ZC3H14: variants seen among roughly 807,000 people sequenced by gnomAD.
The protein encoded by ZC3H14 is zinc finger CCCH domain-containing protein 14.
In ZC3H14, 31 loss-of-function variants were observed where a neutral mutation model predicts 92.4. That is an observed-to-expected ratio of 0.34 (90% CI 0.25 to 0.45). The LOEUF is 0.45. Ranked by LOEUF, ZC3H14 falls within the 20% of genes least tolerant of loss-of-function variation. The pLI is 1.00. For missense variants in ZC3H14, 781 were observed against 897.3 expected, an observed-to-expected ratio of 0.87 and a Z score of 1.66; for synonymous variants, 321 against 300.9, an observed-to-expected ratio of 1.07 and a Z score of -0.69.
rs756679861 is a variant in ZC3H14, at chr14:88,571,070, G to T, written c.195-14G>T. On this transcript the variant is annotated splice_polypyrimidine_tract_variant and intron_variant, in intron 3 of 16. Coordinates refer to ENST00000251038, the MANE Select transcript of ZC3H14 (RefSeq NM_024824.5). Reference sequence around the variant, plus strand: ...AACAGAAGGTTTATTTTTGTTTTTTGTTTTTTTCCTCAGGCTTCATGGTGT... The same window carrying T: ...AACAGAAGGTTTATTTTTGTTTTTTTTTTTTTTCCTCAGGCTTCATGGTGT... 2 of 1,528,048 alleles carry T rather than the reference G, an allele frequency of 1.3e-6. No individual in the cohort carries two copies. The highest frequency in any genetic ancestry group is 1.4e-5 in the South Asian group (1 of 71,768). 94.7% of individuals were successfully genotyped at this position (1,528,048 alleles called of 1,614,324 possible). A position where few individuals can be genotyped will look rare whatever the true frequency, so the allele number is the denominator to read the frequency against.
At chr14:88,584,934 C>T (rs2082300103) in intron 9 of ZC3H14, among the ~76,000 whole-genome samples, 1 of 151,224 alleles carries the variant, frequency 6.6e-6, no homozygotes, top group Admixed American at 6.6e-5. Context: ...ATGAATTTAA[C>T]ATAAGAACCA....
At position 88,612,374 on chromosome 14, in the gene ZC3H14, G is replaced by C. The variant is rs969818631; in HGVS notation, c.*623G>C. 1 of 154,560 alleles carries C rather than the reference G, an allele frequency of 6.5e-6. No individual in the cohort carries two copies. The highest frequency in any genetic ancestry group is 2.4e-5 in the African/African-American group (1 of 41,424). 9.6% of individuals were successfully genotyped at this position (154,560 alleles called of 1,614,324 possible). Reference sequence around the variant, plus strand: ...CCTTCTGTGACAGGATGAATGAGGTGGGTATGGACAGTGGAGGCAGCTGGA... The same window carrying C: ...CCTTCTGTGACAGGATGAATGAGGTCGGTATGGACAGTGGAGGCAGCTGGA... On this transcript the variant is annotated 3_prime_UTR_variant, in exon 17 of 17. Coordinates refer to ENST00000251038, the MANE Select transcript of ZC3H14 (RefSeq NM_024824.5).
intron 2 of ZC3H14, among the ~76,000 whole-genome samples, chr14:88,567,375 AAAGTG>A (rs1309858529): frequency 1.7e-4 from 26 of 150,268 alleles, no homozygotes; most frequent in Admixed American, 4.0e-4. Context: ...TTGGCCTCCC[AAAGTG>A]CTGGGATTAC....
rs746381394 is a variant in ZC3H14, at chr14:88,578,078, C to G, written c.1217C>G (p.Pro406Arg). The change falls in exon 9 of 17, where the codon CCC becomes CGC. Residue 406 changes from proline (P) to arginine (R), a missense_variant. Coordinates refer to ENST00000251038, the MANE Select transcript of ZC3H14 (RefSeq NM_024824.5). ...GTGGTCCAGGGACAAAGTAGGACCC[C>G]CAGAATAAGTCCCCCCATTAAAGAA... The part of the protein sequence containing the change: ...AEVVQGQSRT[P>R]RISPPIKEEE... The G allele has an allele frequency of 2.0e-5, 33 of 1,613,772 alleles. No individual in the cohort carries two copies.
chr14:88,619,296 CACA>C lies in ZC3H14; in HGVS notation c.*7546_*7548del, dbSNP rs2088392484. 1 of 152,626 alleles carries C rather than the reference CACA, an allele frequency of 6.6e-6. No individual in the cohort carries two copies. 9.5% of individuals were successfully genotyped at this position (152,626 alleles called of 1,614,324 possible). On this transcript the variant is annotated 3_prime_UTR_variant, in exon 17 of 17. Coordinates refer to ENST00000251038, the MANE Select transcript of ZC3H14 (RefSeq NM_024824.5). ...AGGAGAATCGCTTGAACCCAGGAGG[CACA>C]GGTTGTGGTGAGCTGAGATTGCACC...
chr14:88,591,054 T>C (rs2083062279), intron 9 of ZC3H14: 1 of 152,230 alleles, frequency 6.6e-6, no homozygotes, highest in Admixed American at 6.5e-5. Flanking sequence ...ACCTGAAAAT[T>C]TTTGTACAGT....
intron 9 of ZC3H14, among the ~76,000 whole-genome samples, chr14:88,580,879 T>C (rs535274313): frequency 1.6e-3 from 239 of 152,328 alleles, no homozygotes; most frequent in African/African-American, 5.7e-3. Flanking sequence ...TCATCAAACT[T>C]TTCAACAGCA....
chr14:88,574,053 C>A (rs1039599132), intron 6 of ZC3H14, among the ~76,000 whole-genome samples: 2 of 152,104 alleles, frequency 1.3e-5, no homozygotes, highest in Admixed American at 6.6e-5. Flanking sequence ...AGATATTAAT[C>A]TTAAATTAAT....
At position 88,615,379 on chromosome 14, in the gene ZC3H14, C is replaced by T. The variant is rs28434294; in HGVS notation, c.*3628C>T. On this transcript the variant is annotated 3_prime_UTR_variant, in exon 17 of 17. Coordinates refer to ENST00000251038, the MANE Select transcript of ZC3H14 (RefSeq NM_024824.5). ...GACTTTCCCTTTCCTTATGGAAATGCAAGAATAAAATATTTCATTAAACAA... is the reference window on the plus strand; with the variant it reads ...GACTTTCCCTTTCCTTATGGAAATGTAAGAATAAAATATTTCATTAAACAA... 2,209 of 153,844 alleles carry T rather than the reference C, an allele frequency of 0.014. 60 individuals carry two copies. The highest frequency in any genetic ancestry group is 0.051 in the African/African-American group (2,127 of 41,572). The allele number at this position is 153,844 out of a possible 1,614,324, so 9.5% of individuals were successfully genotyped here.
Position 88,616,114 on chromosome 14 carries a change from C to T in ZC3H14, c.*4363C>T. Reference sequence around the variant, plus strand: ...GTCTCTTAACTAGTAACATAGTCTGCTCTTCATGGGCTGAGAAAGTTACTA... The same window carrying T: ...GTCTCTTAACTAGTAACATAGTCTGTTCTTCATGGGCTGAGAAAGTTACTA... On this transcript the variant is annotated 3_prime_UTR_variant, in exon 17 of 17. Transcript: ENST00000251038. 2 of 1,607,288 alleles carry T rather than the reference C, an allele frequency of 1.2e-6. No individual in the cohort carries two copies. Among genetic ancestry groups the T allele is most frequent in the Non-Finnish European group, 1.7e-6 (2 of 1,173,918 alleles).
intron 9 of ZC3H14, 47 bp from the exon 10 acceptor site, chr14:88,596,687 A>T: frequency 6.6e-7 from 1 of 1,518,884 alleles, no homozygotes; most frequent in Non-Finnish European, 9.1e-7. Context: ...ACATGCTGGT[A>T]TTGTCTGTGT....
intron 7 of ZC3H14, 148 bp from the exon 8 acceptor site, chr14:88,575,692 A>G (rs1023423594): frequency 1.6e-6 from 1 of 617,900 alleles, no homozygotes. Context: ...AAAAAAAAAT[A>G]AGGTTCCAGT....
intron 9 of ZC3H14, among the ~76,000 whole-genome samples, chr14:88,580,170 T>C (rs1223056035): frequency 6.7e-6 from 1 of 150,168 alleles, no homozygotes; most frequent in East Asian, 2.0e-4. Flanking sequence ...GAGGTTGCAG[T>C]GAGCCACGAT....
At chr14:88,611,518 A>C (rs1175287737) in intron 16 of ZC3H14, among the ~76,000 whole-genome samples, 1 of 152,212 alleles carries the variant, frequency 6.6e-6, no homozygotes, top group Admixed American at 6.5e-5. Context: ...GAGATACTGA[A>C]AGGAAGTTTC....
chr14:88,571,809 C>A (rs1413212838), intron 4 of ZC3H14, among the ~76,000 whole-genome samples: 1 of 151,906 alleles, frequency 6.6e-6, no homozygotes, highest in Non-Finnish European at 1.5e-5. Context: ...ACTAAAAATA[C>A]AAAAATTAGC....
intron 4 of ZC3H14, 69 bp downstream of exon 4, chr14:88,571,193 A>T: frequency 7.2e-7 from 1 of 1,395,384 alleles, no homozygotes; most frequent in South Asian, 1.4e-5. Flanking sequence ...TTCTAAAGTC[A>T]TAGTGCTTTG....
intron 13 of ZC3H14, chr14:88,608,418 A>T (rs1476409589): frequency 3.0e-6 from 1 of 338,896 alleles, no homozygotes; most frequent in Non-Finnish European, 5.8e-6. Context: ...CTTACACCTT[A>T]TTTTGTTTTT....
rs559006972 is a variant in ZC3H14, at chr14:88,602,259, T to C, written c.1514+176T>C. On this transcript the variant is annotated intron_variant, in intron 11 of 16. Coordinates refer to ENST00000251038, the MANE Select transcript of ZC3H14 (RefSeq NM_024824.5). ...TTCAGTTTTCAAGAATTCCAGTTCA[T>C]CTTTCTTGTTCAGAAATCCATTAAC... Among the ~76,000 whole-genome samples, 26 of 152,352 alleles carry C rather than the reference T, an allele frequency of 1.7e-4. 1 individual carries two copies. The South Asian group carries it at 5.2e-3, about 30-fold the overall frequency.
At chr14:88,567,148 C>T (rs1203892913) in intron 2 of ZC3H14, among the ~76,000 whole-genome samples, 1 of 140,672 alleles carries the variant, frequency 7.1e-6, no homozygotes, top group Non-Finnish European at 1.5e-5. Flanking sequence ...CAGAGTCTTG[C>T]TCTGTTGCCC....
Sources: gnomAD v4.1 joint callset for allele counts (sites outside exome capture counted in the v4.1 genomes callset) on GRCh38, gnomAD v4.1.1 for gene constraint, MANE v1.5 for transcripts, NCBI Gene and HGNC (gene_info 2026-07-23, HGNC 2026-07-21) for gene names.